The following UBR3 variants were observed in gnomAD, a reference collection of about 807,000 sequenced individuals.
UBR3 encodes the protein ubiquitin protein ligase E3 component n-recognin 3.
Under a neutral mutation model 243.2 loss-of-function variants are expected in UBR3, and 85 were observed. That is an observed-to-expected ratio of 0.35 (90% CI 0.29 to 0.42). UBR3 has a LOEUF of 0.42. UBR3 is among the 10% of genes least tolerant of loss of function. UBR3 has a pLI of 1.00. For missense variants in UBR3, 1,686 were observed against 2,300.8 expected (o/e 0.73, Z 5.47); for synonymous variants, 748 against 799.8 (o/e 0.94, Z 1.09).
intron 1 of UBR3, among the ~76,000 whole-genome samples, chr2:169,835,993 G>GTCCCCCCCTCTCTC (rs1194152380): frequency 3.3e-5 from 1 of 30,726 alleles, no homozygotes; most frequent in Non-Finnish European, 6.2e-5. Context: ...TGTGTGCACT[G>GTCCCCCCCTCTCTC]TCTCTCTCTC....
intron 5 of UBR3, among the ~76,000 whole-genome samples, chr2:169,887,071 A>C (rs2105321204): frequency 6.6e-6 from 1 of 152,270 alleles, no homozygotes; most frequent in East Asian, 1.9e-4. Flanking sequence ...AAATCCATCA[A>C]AAAAAAGAAA....
At chr2:169,960,441 A>T (rs79320705) in intron 24 of UBR3, among the ~76,000 whole-genome samples, 1,545 of 151,706 alleles carry the variant, frequency 0.01, 40 homozygotes, top group African/African-American at 0.035. Context: ...GGGATACTTA[A>T]CCTGTACTGA....
At position 170,026,843 on chromosome 2, in the gene UBR3, T is replaced by C. The variant is rs185207619; in HGVS notation, c.4454-2503T>C. Among the ~76,000 whole-genome samples, 1,232 of 152,220 alleles carry C rather than the reference T, an allele frequency of 8.1e-3. 8 individuals carry two copies. The highest frequency in any genetic ancestry group is 0.017 in the South Asian group (80 of 4,826). On this transcript the variant is annotated intron_variant, in intron 30 of 38. Transcript: ENST00000272793. ...TAATACATTTTTTAACTTTTGATTA[T>C]GATTATAGATTCTCTTCATCCTACG...
chr2:170,046,753 T>C (rs981447500), intron 32 of UBR3, among the ~76,000 whole-genome samples: 2 of 152,148 alleles, frequency 1.3e-5, no homozygotes, highest in African/African-American at 4.8e-5. Context: ...ATTGGTAAAG[T>C]TGATATAGGA....
intron 1 of UBR3, among the ~76,000 whole-genome samples, chr2:169,849,559 T>C (rs1320597746): frequency 1.3e-5 from 2 of 152,156 alleles, no homozygotes; most frequent in African/African-American, 2.4e-5. Flanking sequence ...CCTCCCAAAG[T>C]GTTGGGATTA....
intron 19 of UBR3, among the ~76,000 whole-genome samples, chr2:169,942,272 A>G (rs148297651): frequency 6.6e-6 from 1 of 152,136 alleles, no homozygotes; most frequent in East Asian, 1.9e-4. Flanking sequence ...ATATTTTTTA[A>G]TTTTCAGCTT....
chr2:169,967,959 A>T (rs2087902834), intron 24 of UBR3, among the ~76,000 whole-genome samples: 2 of 151,804 alleles, frequency 1.3e-5, no homozygotes, highest in South Asian at 4.2e-4. Context: ...TACCTTTCTT[A>T]GGTAACACAT....
chr2:169,947,056 A>G (rs1025929722), intron 21 of UBR3, among the ~76,000 whole-genome samples: 1 of 152,138 alleles, frequency 6.6e-6, no homozygotes, highest in Non-Finnish European at 1.5e-5. Context: ...CAGCATAATA[A>G]TAGCAAAAAC....
intron 25 of UBR3, among the ~76,000 whole-genome samples, chr2:169,992,569 G>A (rs2089319851): frequency 6.6e-6 from 1 of 152,154 alleles, no homozygotes; most frequent in Non-Finnish European, 1.5e-5. Flanking sequence ...TTATATTTTA[G>A]CTGGTAGCAT....
At chr2:170,040,793 C>T in intron 31 of UBR3, 89 bp from the exon 32 acceptor site, 14 of 996,546 alleles carry the variant, frequency 1.4e-5, no homozygotes, top group South Asian at 4.6e-5. Flanking sequence ...GTTTTTATTT[C>T]TGTTCCATAG....
intron 17 of UBR3, among the ~76,000 whole-genome samples, chr2:169,927,682 C>A (rs1025442772): frequency 6.6e-6 from 1 of 151,824 alleles, no homozygotes; most frequent in Non-Finnish European, 1.5e-5. Flanking sequence ...CAGCATTTAA[C>A]CTCCTAGTGG....
At position 170,075,299 on chromosome 2, in the gene UBR3, A is replaced by G. The variant is rs182941889; in HGVS notation, c.5199+1692A>G. Among the ~76,000 whole-genome samples, 3 of 152,224 alleles carry G rather than the reference A, an allele frequency of 2.0e-5. No individual in the cohort carries two copies. The East Asian group carries it at 5.8e-4, about 29-fold the overall frequency. On this transcript the variant is annotated intron_variant, in intron 36 of 38. Coordinates refer to ENST00000272793, the MANE Select transcript of UBR3 (RefSeq NM_172070.4). ...TTCTTTATTCACAGAGCATATAGCAATAATTTGACATCATACTTTGATGTC... is the reference window on the plus strand; with the variant it reads ...TTCTTTATTCACAGAGCATATAGCAGTAATTTGACATCATACTTTGATGTC...
intron 35 of UBR3, among the ~76,000 whole-genome samples, chr2:170,063,076 T>C (rs1206576445): frequency 1.3e-5 from 2 of 152,060 alleles, no homozygotes; most frequent in Admixed American, 6.5e-5. Context: ...ATAAGACAGA[T>C]TGTGAAGAAT....
chr2:169,876,397 A>G (rs1477281131), intron 3 of UBR3, among the ~76,000 whole-genome samples: 4 of 152,088 alleles, frequency 2.6e-5, no homozygotes, highest in African/African-American at 9.7e-5. Context: ...TTCTTGTTTT[A>G]TGGATGAGGA....
chr2:169,894,135 C>T (rs1174748938), intron 6 of UBR3, among the ~76,000 whole-genome samples: 3 of 151,718 alleles, frequency 2.0e-5, no homozygotes, highest in East Asian at 3.9e-4. Flanking sequence ...GCCTGGACAA[C>T]ACAGCAAGAC....
intron 8 of UBR3, among the ~76,000 whole-genome samples, chr2:169,900,514 A>G (rs1321861509): frequency 6.6e-6 from 1 of 152,132 alleles, no homozygotes; most frequent in Non-Finnish European, 1.5e-5. Flanking sequence ...CCATTTGTCA[A>G]TTTTGGCTTT....
At position 170,065,811 on chromosome 2, in the gene UBR3, A is replaced by G. The variant is rs528218349; in HGVS notation, c.5019+4368A>G. Among the ~76,000 whole-genome samples, 5 of 152,210 alleles carry G rather than the reference A, an allele frequency of 3.3e-5. No individual in the cohort carries two copies. In the South Asian group the frequency reaches 1.0e-3, roughly 32 times the overall value. On this transcript the variant is annotated intron_variant, in intron 35 of 38. Transcript: ENST00000272793. Reference sequence around the variant, plus strand: ...CTTTTTACTATTTTAGGTATTCTATATAATTATGATCATATAATCTGAAAA... The same window carrying G: ...CTTTTTACTATTTTAGGTATTCTATGTAATTATGATCATATAATCTGAAAA...
chr2:169,894,560 A>AT (rs1460294918), intron 6 of UBR3, among the ~76,000 whole-genome samples: 1 of 152,154 alleles, frequency 6.6e-6, no homozygotes, highest in Non-Finnish European at 1.5e-5. Context: ...ATAAGGACTG[A>AT]TTCAAGCCTT....
At chr2:169,890,509 G>T (rs2084286461) in intron 5 of UBR3, among the ~76,000 whole-genome samples, 1 of 113,072 alleles carries the variant, frequency 8.8e-6, no homozygotes, top group Non-Finnish European at 1.7e-5. Flanking sequence ...GTTATTTTTA[G>T]TGCGAGGTTT....
Sources: gnomAD v4.1 joint callset for allele counts (sites outside exome capture counted in the v4.1 genomes callset) on GRCh38, gnomAD v4.1.1 for gene constraint, MANE v1.5 for transcripts, NCBI Gene and HGNC (gene_info 2026-07-23, HGNC 2026-07-21) for gene names.